BTRC: variants seen among roughly 807,000 people sequenced by gnomAD.
The protein encoded by BTRC is F-box/WD repeat-containing protein 1A.
BTRC carries 42 observed loss-of-function variants against 85.5 expected under a neutral mutation model. That is an observed-to-expected ratio of 0.49 (90% CI 0.38 to 0.64). The LOEUF is 0.64. BTRC is among the 30% of genes least tolerant of loss of function. BTRC has a pLI of 0.00. For missense variants in BTRC, 594 were observed against 743.5 expected (o/e 0.80, Z 2.34); for synonymous variants, 255 against 263.3 (o/e 0.97, Z 0.30).
At chr10:101,491,354 A>G (rs1946128328) in intron 4 of BTRC, among the ~76,000 whole-genome samples, 2 of 152,116 alleles carry the variant, frequency 1.3e-5, no homozygotes, top group South Asian at 2.1e-4. Context: ...TTTCATACCA[A>G]CACATTTGTT....
At chr10:101,482,701 T>C (rs1479604430) in intron 4 of BTRC, among the ~76,000 whole-genome samples, 3 of 152,092 alleles carry the variant, frequency 2.0e-5, no homozygotes, top group African/African-American at 4.8e-5. Context: ...GGCCAACTGT[T>C]TCTATTGGCC....
intron 5 of BTRC, among the ~76,000 whole-genome samples, chr10:101,522,985 C>G (rs2062140756): frequency 6.6e-6 from 1 of 152,104 alleles, no homozygotes; most frequent in Admixed American, 6.5e-5. Flanking sequence ...GTGGATGGAT[C>G]ACGAGGTCAA....
chr10:101,470,819 T>C (rs1945505267), intron 3 of BTRC, among the ~76,000 whole-genome samples: 1 of 152,252 alleles, frequency 6.6e-6, no homozygotes, highest in Non-Finnish European at 1.5e-5. Flanking sequence ...GGCTTCATTA[T>C]TTTTGCCGTA....
chr10:101,441,020 A>G (rs1944665722), intron 2 of BTRC, among the ~76,000 whole-genome samples: 1 of 152,242 alleles, frequency 6.6e-6, no homozygotes, highest in Non-Finnish European at 1.5e-5. Context: ...TTTAAAGCAT[A>G]AACATTGATG....
chr10:101,467,214 G>T (rs1465059955), intron 3 of BTRC, among the ~76,000 whole-genome samples: 1 of 148,088 alleles, frequency 6.8e-6, no homozygotes, highest in Non-Finnish European at 1.5e-5. Flanking sequence ...AAAAAACACA[G>T]AATTTGCTTC....
Position 101,430,530 on chromosome 10 carries a change from C to T in BTRC, c.156+78C>T. ...TTCATTAGTATGTGCCTCCTCCTTT[C>T]CCATACTTTACTTATATTCATCTTT... On this transcript the variant is annotated intron_variant, in intron 2 of 14. Transcript: ENST00000370187. 2.7e-6 allele frequency: 3 copies of T among 1,119,890 alleles called. No homozygotes were observed. In the South Asian group the frequency reaches 4.1e-5, roughly 15 times the overall value. 69.4% of individuals were successfully genotyped at this position (1,119,890 alleles called of 1,614,324 possible).
chr10:101,403,275 A>G (rs1456706758), intron 1 of BTRC, among the ~76,000 whole-genome samples: 1 of 152,194 alleles, frequency 6.6e-6, no homozygotes, highest in Admixed American at 6.5e-5. Flanking sequence ...AAGGGTACAG[A>G]GATAGCTCAT....
At chr10:101,356,919 A>G (rs1478581552) in intron 1 of BTRC, among the ~76,000 whole-genome samples, 1 of 152,088 alleles carries the variant, frequency 6.6e-6, no homozygotes, top group Non-Finnish European at 1.5e-5. Flanking sequence ...TCACGAGGTC[A>G]GGAGATCGAG....
Position 101,400,677 on chromosome 10 carries a change from G to T in BTRC, c.49-29668G>T, listed in dbSNP as rs1156779564. 2.6e-5 allele frequency among the ~76,000 whole-genome samples: 4 copies of T among 152,304 alleles called. No individual in the cohort carries two copies. The East Asian group carries it at 7.7e-4, about 29-fold the overall frequency. On this transcript the variant is annotated intron_variant, in intron 1 of 14. Coordinates refer to ENST00000370187, the MANE Select transcript of BTRC (RefSeq NM_033637.4). The stretch of plus-strand genomic sequence containing the variant: ...GCTCTGATCTTTCCTATGACGGCCA[G>T]CCTGGCCTTAATATGTAGATTATTA...
chr10:101,532,773 TGTGTGTGTGTGTGTGTGCGCGTGTGCGC>T (rs1158985235), intron 8 of BTRC, among the ~76,000 whole-genome samples, 151 bp from the exon 9 acceptor site: 2 of 72,418 alleles, frequency 2.8e-5, no homozygotes, highest in Non-Finnish European at 4.7e-5. Context: ...TGTGTGTGTG[TGTGTGTGTGTGTGTGTGCGCGTGTGCGC>T]GCGCGCGCGC....
At chr10:101,456,564 T>A (rs962765606) in intron 2 of BTRC, among the ~76,000 whole-genome samples, 1 of 152,240 alleles carries the variant, frequency 6.6e-6, no homozygotes, top group African/African-American at 2.4e-5. Context: ...ATCACCTGAA[T>A]ACTTTTTTAA....
At chr10:101,539,911 A>G (rs956069357) in intron 13 of BTRC, among the ~76,000 whole-genome samples, 1 of 152,174 alleles carries the variant, frequency 6.6e-6, no homozygotes, top group African/African-American at 2.4e-5. Flanking sequence ...AATGTCAAGC[A>G]TCTATTCTTT....
chr10:101,408,938 A>G (rs1171933771), intron 1 of BTRC, among the ~76,000 whole-genome samples: 1 of 152,126 alleles, frequency 6.6e-6, no homozygotes, highest in African/African-American at 2.4e-5. Context: ...AAGCCCAGCT[A>G]TTTGGGAGGC....
At chr10:101,358,730 C>A (rs1443700066) in intron 1 of BTRC, among the ~76,000 whole-genome samples, 2 of 152,038 alleles carry the variant, frequency 1.3e-5, no homozygotes, top group Non-Finnish European at 2.9e-5. Flanking sequence ...AGTGTGGTGG[C>A]AAGGTTCTAA....
chr10:101,444,874 G>A (rs879887089), intron 2 of BTRC, among the ~76,000 whole-genome samples: 1 of 152,160 alleles, frequency 6.6e-6, no homozygotes, highest in Non-Finnish European at 1.5e-5. Context: ...CAGATTTCAG[G>A]TGTGGAGTAG....
chr10:101,441,287 G>C (rs1411963679), intron 2 of BTRC, among the ~76,000 whole-genome samples: 2 of 152,206 alleles, frequency 1.3e-5, no homozygotes, highest in African/African-American at 4.8e-5. Flanking sequence ...CATCAATACA[G>C]TGAAAATGCC....
chr10:101,431,817 C>T (rs796696778), intron 2 of BTRC, among the ~76,000 whole-genome samples: 52 of 152,220 alleles, frequency 3.4e-4, no homozygotes, highest in African/African-American at 1.2e-3. Flanking sequence ...TTTTCCTTTA[C>T]AAAATTTAAT....
At position 101,550,823 on chromosome 10, in the gene BTRC, G is replaced by T. The variant is rs141030727; in HGVS notation, c.1781G>T (p.Arg594Leu). 2.7e-5 allele frequency: 44 copies of T among 1,613,720 alleles called. No individual in the cohort carries two copies. In the South Asian group the frequency reaches 4.5e-4, roughly 17 times the overall value. Residue 594 changes from arginine to leucine, a missense_variant, in exon 14 of 15, where the codon CGT becomes CTT. Physicochemically the swap from Arg to Leu is moderately radical, Grantham distance 102. Around this residue, in one of 4 missense-constraint regions of BTRC, gnomAD observed 56 missense variants for 39.6 expected, o/e 1.41. Transcript: ENST00000370187. ...NDPAAQAEPP[R>L]SPSRTYTYIS... The stretch of plus-strand genomic sequence containing the variant: ...CCAGCTGCCCAAGCTGAACCCCCCC[G>T]TTCCCCTTCTCGAACATACACCTAC...
chr10:101,386,680 T>C (rs1242272808), intron 1 of BTRC, among the ~76,000 whole-genome samples: 2 of 152,190 alleles, frequency 1.3e-5, no homozygotes, highest in African/African-American at 4.8e-5. Context: ...AGTGTCACAA[T>C]TGATGACAGC....
Sources: gnomAD v4.1 joint callset for allele counts (sites outside exome capture counted in the v4.1 genomes callset) on GRCh38, gnomAD v4.1.1 for gene constraint, gnomAD v4.1.1 regional missense constraint, MANE v1.5 for transcripts, NCBI Gene and HGNC (gene_info 2026-07-23, HGNC 2026-07-21) for gene names.